UBLCP1: variants seen among roughly 807,000 people sequenced by gnomAD.
UBLCP1 encodes the protein ubiquitin like domain containing CTD phosphatase 1, also known as ubiquitin-like domain-containing CTD phosphatase 1.
A neutral mutation model predicts 42.4 loss-of-function variants in UBLCP1; 28 were observed. The observed-to-expected ratio is 0.66, with a 90% CI of 0.49 to 0.90. The LOEUF is 0.90. Ranked by LOEUF, UBLCP1 falls within the 40% of genes least tolerant of loss-of-function variation. The pLI is 0.00. For missense variants in UBLCP1, 279 were observed against 374.5 expected (o/e 0.75, Z 2.10); for synonymous variants, 122 against 120.8 (o/e 1.01, Z -0.07).
chr5:159,272,141 T>G lies in UBLCP1; in HGVS notation c.547+20T>G, dbSNP rs755741736. 1.3e-5 allele frequency: 21 copies of G among 1,593,240 alleles called. 1 individual carries two copies. The highest frequency in any genetic ancestry group is 1.7e-5 in the Non-Finnish European group (20 of 1,162,964). On this transcript the variant is annotated intron_variant, in intron 6 of 10. Transcript: ENST00000296786. ...TTTGGTGTAAGCTGTATTTTTTTGT[T>G]TAGATTTCCGTGGAAATAGGTTGTT...
chr5:159,271,632 C>T lies in UBLCP1; in HGVS notation c.449-391C>T, dbSNP rs76979849. Among the ~76,000 whole-genome samples, 57 of 152,176 alleles carry T rather than the reference C, an allele frequency of 3.7e-4. No individual in the cohort carries two copies. The East Asian group carries it at 0.01, about 27-fold the overall frequency. ...AAATTTAATTAATTGGTTAATTGGC[C>T]TGTCATTTTGATGAAATGTGATTAT... On this transcript the variant is annotated intron_variant, in intron 5 of 10. Coordinates refer to ENST00000296786, the MANE Select transcript of UBLCP1 (RefSeq NM_145049.5).
chr5:159,282,449 C>T (rs1753619851), intron 9 of UBLCP1, among the ~76,000 whole-genome samples: 1 of 151,900 alleles, frequency 6.6e-6, no homozygotes, highest in African/African-American at 2.4e-5. Flanking sequence ...ATGCACAAAT[C>T]TAGATGAAGA....
rs377497746 is a variant in UBLCP1, at chr5:159,263,358, C to A, written c.-49C>A. The stretch of plus-strand genomic sequence containing the variant: ...CGCTGCCGCAGGTTCCACCGCGCTC[C>A]AGGTGAGGGGTTGCGGGGCACCCTG... On this transcript the variant is annotated splice_region_variant and 5_prime_UTR_variant, in exon 1 of 11. Transcript: ENST00000296786. The A allele has an allele frequency of 6.6e-5, 10 of 152,462 alleles. No homozygotes were observed. The East Asian group carries it at 1.9e-3, about 29-fold the overall frequency. The allele number at this position is 152,462 out of a possible 1,614,324, so 9.4% of individuals were successfully genotyped here.
At position 159,284,945 on chromosome 5, in the gene UBLCP1, T is replaced by G. The variant is rs1584743157; in HGVS notation, c.*14T>G. ...CAAGGACAGTAGTTACAAGTTATAC[T>G]GGCAGTTATTGAAGATACTTAAGAT... On this transcript the variant is annotated 3_prime_UTR_variant, in exon 11 of 11. Transcript: ENST00000296786. 6.2e-7 allele frequency: 1 copy of G among 1,611,622 alleles called. No individual in the cohort carries two copies. The highest frequency in any genetic ancestry group is 1.3e-5 in the African/African-American group (1 of 74,982).
intron 3 of UBLCP1, 22 bp downstream of exon 3, chr5:159,270,021 C>A: frequency 1.9e-6 from 3 of 1,555,150 alleles, no homozygotes; most frequent in Non-Finnish European, 2.6e-6. Context: ...CTTTTTGTTA[C>A]CATTTGTCCA....
chr5:159,269,178 TTAG>T (rs758823751), intron 2 of UBLCP1, 109 bp downstream of exon 2: 162 of 794,700 alleles, frequency 2.0e-4, no homozygotes, highest in Admixed American at 1.7e-4. Flanking sequence ...TATTTGTAGT[TTAG>T]TAAGTCTCTC....
At chr5:159,277,390 C>T (rs988193029) in intron 8 of UBLCP1, among the ~76,000 whole-genome samples, 5 of 152,066 alleles carry the variant, frequency 3.3e-5, no homozygotes, top group Non-Finnish European at 5.9e-5. Context: ...CACTTAATCT[C>T]ATATATTTAT....
chr5:159,265,793 T>C (rs1371404262), intron 1 of UBLCP1, among the ~76,000 whole-genome samples: 2 of 152,156 alleles, frequency 1.3e-5, no homozygotes, highest in Non-Finnish European at 1.5e-5. Flanking sequence ...TCCCTAGCCA[T>C]TGTGGAACTG....
At chr5:159,273,217 G>A (rs1753493226) in intron 6 of UBLCP1, among the ~76,000 whole-genome samples, 1 of 152,168 alleles carries the variant, frequency 6.6e-6, no homozygotes, top group Non-Finnish European at 1.5e-5. Context: ...AAGAAAGCTT[G>A]CTGGTTTGTT....
rs756767853 is a variant in UBLCP1, at chr5:159,275,256, C to A, written c.684+10C>A. On this transcript the variant is annotated intron_variant, in intron 8 of 10. Transcript: ENST00000296786. The stretch of plus-strand genomic sequence containing the variant: ...GAGAGGATTAATAGACGTAAGAAGT[C>A]ATTTTATTTCTATTTAATGACACCA... 6 of 1,597,152 alleles carry A rather than the reference C, an allele frequency of 3.8e-6. No homozygotes were observed. In the South Asian group the frequency reaches 6.6e-5, roughly 18 times the overall value.
chr5:159,274,468 T>C (rs1753509698), intron 6 of UBLCP1, 117 bp from the exon 7 acceptor site: 1 of 731,530 alleles, frequency 1.4e-6, no homozygotes, highest in South Asian at 2.0e-5. Flanking sequence ...TGCTAGGGAC[T>C]GTTAATTCTG....
chr5:159,270,319 A>T, intron 3 of UBLCP1, 41 bp from the exon 4 acceptor site: 2 of 1,462,266 alleles, frequency 1.4e-6, no homozygotes, highest in Non-Finnish European at 1.9e-6. Context: ...TTGTTATATT[A>T]AGGATAATAT....
At chr5:159,272,895 A>G (rs1753487968) in intron 6 of UBLCP1, among the ~76,000 whole-genome samples, 1 of 152,234 alleles carries the variant, frequency 6.6e-6, no homozygotes, top group Admixed American at 6.5e-5. Context: ...TGGAAAATGA[A>G]GCAATGCATT....
At chr5:159,275,108 C>A in intron 7 of UBLCP1, 40 bp from the exon 8 acceptor site, 1 of 1,562,196 alleles carries the variant, frequency 6.4e-7, no homozygotes, top group Non-Finnish European at 8.8e-7. Context: ...AAATTTTCCA[C>A]ACTACTATGT....
In UBLCP1 at chr5:159,275,144, A is replaced by T. The variant is rs773311620; in HGVS notation, c.586-4A>T. 6.2e-7 allele frequency: 1 copy of T among 1,611,702 alleles called. No homozygotes were observed. Among genetic ancestry groups the T allele is most frequent in the South Asian group, 1.1e-5 (1 of 90,998 alleles). The stretch of plus-strand genomic sequence containing the variant: ...TTTAACCTCACAAATATTTGTGTTT[A>T]TAGGAGCTGGGAGTGAGCACAAATG... On this transcript the variant is annotated splice_polypyrimidine_tract_variant and splice_region_variant and intron_variant, in intron 7 of 10. Coordinates refer to ENST00000296786, the MANE Select transcript of UBLCP1 (RefSeq NM_145049.5).
chr5:159,268,029 T>C (rs188296615), intron 1 of UBLCP1, among the ~76,000 whole-genome samples: 69 of 151,610 alleles, frequency 4.6e-4, no homozygotes, highest in Non-Finnish European at 8.3e-4. Context: ...AAACATAAGA[T>C]TTAGTCAGAA....
At chr5:159,270,757 C>A in intron 5 of UBLCP1, 114 bp downstream of exon 5, 1 of 631,524 alleles carries the variant, frequency 1.6e-6, no homozygotes, top group Non-Finnish European at 2.5e-6. Context: ...TACTTGAAAA[C>A]TTTTCTTATT....
intron 10 of UBLCP1, among the ~76,000 whole-genome samples, chr5:159,283,891 G>T (rs1309216925): frequency 6.6e-6 from 1 of 152,030 alleles, no homozygotes; most frequent in African/African-American, 2.4e-5. Context: ...CCAAATGTTT[G>T]CACAAATCTA....
intron 9 of UBLCP1, among the ~76,000 whole-genome samples, chr5:159,281,327 G>A (rs1006768131): frequency 1.3e-5 from 2 of 152,066 alleles, no homozygotes; most frequent in African/African-American, 4.8e-5. Context: ...GTGAATGAAG[G>A]AATACTTTAA....
Sources: allele counts gnomAD v4.1 joint callset (sites outside exome capture counted in the v4.1 genomes callset), GRCh38; gene constraint gnomAD v4.1.1; transcripts MANE v1.5; gene names NCBI Gene and HGNC (gene_info 2026-07-23, HGNC 2026-07-21).